Variants in FLRT2 observed in about 807,000 individuals in gnomAD.
FLRT2 encodes the protein leucine-rich repeat transmembrane protein FLRT2.
A neutral mutation model predicts 40.0 loss-of-function variants in FLRT2; 15 were observed. That is an observed-to-expected ratio of 0.38 (90% CI 0.25 to 0.58). The LOEUF (loss-of-function observed/expected upper bound fraction) is 0.58, where lower values mean the gene tolerates loss of function less well. FLRT2 is among the 20% of genes least tolerant of loss of function. FLRT2 has a pLI of 0.71. For missense variants in FLRT2, 726 were observed against 840.0 expected, an observed-to-expected ratio of 0.86 and a Z score of 1.68; for synonymous variants, 380 against 336.8, an observed-to-expected ratio of 1.13 and a Z score of -1.41.
chr14:85,570,165 G>GA, intron 1 of FLRT2, among the ~76,000 whole-genome samples: 1 of 152,252 alleles, frequency 6.6e-6, no homozygotes, highest in African/African-American at 2.4e-5. Flanking sequence ...GGGCTCCTTT[G>GA]AAAATGTTCT....
At chr14:85,585,610 G>A (rs1010206373) in intron 1 of FLRT2, among the ~76,000 whole-genome samples, 6 of 152,154 alleles carry the variant, frequency 3.9e-5, no homozygotes, top group Non-Finnish European at 5.9e-5. Flanking sequence ...ATGCATGTGC[G>A]TGTGTATAGA....
At chr14:85,589,725 G>A (rs1029858005) in intron 1 of FLRT2, among the ~76,000 whole-genome samples, 16 of 152,050 alleles carry the variant, frequency 1.1e-4, no homozygotes, top group African/African-American at 3.6e-4. Context: ...TTTTCTTATG[G>A]TAGTTTAATT....
At chr14:85,548,750 G>A (rs1185133306) in intron 1 of FLRT2, among the ~76,000 whole-genome samples, 1 of 7,674 alleles carries the variant, frequency 1.3e-4, no homozygotes, top group East Asian at 3.8e-3. Context: ...TAGAAGAAGT[G>A]TGGTCCCTGG....
At position 85,622,334 on chromosome 14, in the gene FLRT2, A is replaced by G. The variant is rs1423429678; in HGVS notation, c.820A>G (p.Asn274Asp). The change falls in exon 2 of 2, where the codon AAT becomes GAT. Residue 274 changes from asparagine to aspartate, a missense_variant. Physicochemically the swap from Asn to Asp is conservative, Grantham distance 23. This residue lies in a region of FLRT2 where 611 missense variants were observed against 690.0 expected (regional missense o/e 0.89). Coordinates refer to ENST00000330753, the MANE Select transcript of FLRT2 (RefSeq NM_013231.6). ...INHIPLTAFSNLRKLERLDIS... is the reference protein window; with the variant it reads ...INHIPLTAFSDLRKLERLDIS... The stretch of plus-strand genomic sequence containing the variant: ...CCACATTCCTTTGACAGCCTTCTCA[A>G]ATCTGCGTAAGCTGGAACGGCTGGA... The G allele has an allele frequency of 6.2e-7, 1 of 1,613,978 alleles. No individual in the cohort carries two copies. The highest frequency in any genetic ancestry group is 8.5e-7 in the Non-Finnish European group (1 of 1,180,018).
intron 1 of FLRT2, among the ~76,000 whole-genome samples, chr14:85,560,512 C>T (rs995823134): frequency 5.9e-5 from 9 of 151,726 alleles, no homozygotes; most frequent in Non-Finnish European, 8.8e-5. Context: ...ACTCGGGAGG[C>T]GGAGGTTGCA....
intron 1 of FLRT2, among the ~76,000 whole-genome samples, chr14:85,581,258 T>C (rs1266915880): frequency 6.6e-6 from 1 of 152,146 alleles, no homozygotes; most frequent in African/African-American, 2.4e-5. Context: ...TGTTTGAAGA[T>C]GGTCGAGGGC....
rs187643397 is a variant in FLRT2, at chr14:85,624,519, C to T, written c.*1022C>T. 25 of 167,128 alleles carry T rather than the reference C, an allele frequency of 1.5e-4. 1 individual carries two copies. In the East Asian group the frequency reaches 1.7e-3, roughly 12 times the overall value. The allele number at this position is 167,128 out of a possible 1,614,324, so 10.4% of individuals were successfully genotyped here. On this transcript the variant is annotated 3_prime_UTR_variant, in exon 2 of 2. Coordinates refer to ENST00000330753, the MANE Select transcript of FLRT2 (RefSeq NM_013231.6). ...AACAATGACTTATTTAAAAATTACC[C>T]TTCCTGCTATTTAGACAAAAACAAC...
chr14:85,583,411 T>G (rs117750935), intron 1 of FLRT2, among the ~76,000 whole-genome samples: 1 of 152,320 alleles, frequency 6.6e-6, no homozygotes, highest in Non-Finnish European at 1.5e-5. Context: ...TAGTTGTAGT[T>G]GTCAAGGAGT....
intron 1 of FLRT2, among the ~76,000 whole-genome samples, chr14:85,592,789 CAAAAAAA>C (rs34002874): frequency 2.2e-5 from 2 of 90,694 alleles, no homozygotes; most frequent in Admixed American, 1.3e-4. Flanking sequence ...AACTCCGTCT[CAAAAAAA>C]AAAAAAAAAA....
intron 1 of FLRT2, among the ~76,000 whole-genome samples, chr14:85,599,256 T>A (rs1349223564): frequency 4.9e-5 from 7 of 144,144 alleles, no homozygotes; most frequent in Non-Finnish European, 1.5e-5. Context: ...TGACAAGTAT[T>A]GCAAACAGCT....
chr14:85,605,891 A>T (rs1376127570), intron 1 of FLRT2, among the ~76,000 whole-genome samples: 1 of 152,154 alleles, frequency 6.6e-6, no homozygotes, highest in East Asian at 1.9e-4. Context: ...CACCGATTGA[A>T]TTCATATTAT....
rs1893841196 is a variant in FLRT2 at position 85,630,484 on chromosome 14, G to A, written c.*6987G>A. 1 of 152,126 alleles carries A rather than the reference G, an allele frequency of 6.6e-6. No individual in the cohort carries two copies. The allele number at this position is 152,126 out of a possible 1,614,324, so 9.4% of individuals were successfully genotyped here. A position where few individuals can be genotyped will look rare whatever the true frequency, so the allele number is the denominator to read the frequency against. ...GATAGGATGGGCCTTTGTTGGTTTA[G>A]TTTTGATTTCATTCAGCAAATATTT... On this transcript the variant is annotated 3_prime_UTR_variant, in exon 2 of 2. Coordinates refer to ENST00000330753, the MANE Select transcript of FLRT2 (RefSeq NM_013231.6).
intron 1 of FLRT2, among the ~76,000 whole-genome samples, chr14:85,535,756 A>C (rs1453892762): frequency 6.6e-6 from 1 of 152,160 alleles, no homozygotes; most frequent in Non-Finnish European, 1.5e-5. Context: ...AATATCTTTG[A>C]CTGGAGGAGG....
chr14:85,621,644 A>G lies in FLRT2; in HGVS notation c.130A>G (p.Arg44Gly), dbSNP rs778753174. The change falls in exon 2 of 2, where the codon AGG becomes GGG. Residue 44 changes from arginine (R) to glycine (G), a missense_variant. Around this residue, in one of 3 missense-constraint regions of FLRT2, gnomAD observed 106 missense variants for 121.2 expected, o/e 0.87. Coordinates refer to ENST00000330753, the MANE Select transcript of FLRT2 (RefSeq NM_013231.6). Reference sequence around the variant, plus strand: ...CTGCCCTAGTGTGTGCCGCTGCGACAGGAACTTTGTCTACTGTAATGAGCG... The same window carrying G: ...CTGCCCTAGTGTGTGCCGCTGCGACGGGAACTTTGTCTACTGTAATGAGCG... ...LACPSVCRCDRNFVYCNERSL... is the reference protein window; with the variant it reads ...LACPSVCRCDGNFVYCNERSL... 1 of 1,614,108 alleles carries G rather than the reference A, an allele frequency of 6.2e-7. No individual in the cohort carries two copies. Among genetic ancestry groups the G allele is most frequent in the South Asian group, 1.1e-5 (1 of 91,070 alleles).
Position 85,643,955 on chromosome 14 carries a change from C to T in FLRT2, c.*20458C>T, listed in dbSNP as rs1168271389. 6.6e-6 allele frequency: 1 copy of T among 152,124 alleles called. No individual in the cohort carries two copies. Among genetic ancestry groups the T allele is most frequent in the African/African-American group, 2.4e-5 (1 of 41,414 alleles). The allele number at this position is 152,124 out of a possible 1,614,324, so 9.4% of individuals were successfully genotyped here. ...AAGAATGGATAATTGCTCATTATAG[C>T]TTCATGAATAATATAGATGTTCAGC... On this transcript the variant is annotated 3_prime_UTR_variant, in exon 2 of 2. Transcript: ENST00000330753.
chr14:85,555,253 A>G (rs1889877283), intron 1 of FLRT2, among the ~76,000 whole-genome samples: 1 of 152,220 alleles, frequency 6.6e-6, no homozygotes, highest in Admixed American at 6.5e-5. Flanking sequence ...GAGAATATGC[A>G]TAGATTCCTA....
chr14:85,623,402 C>A lies in FLRT2; in HGVS notation c.1888C>A (p.Pro630Thr). Residue 630 changes from proline (P) to threonine (T), a missense_variant, in exon 2 of 2, where the codon CCA (proline) becomes ACA (threonine). Physicochemically the swap from Pro to Thr is conservative, Grantham distance 38 (BLOSUM62 -1). This residue lies in a region of FLRT2 where 611 missense variants were observed against 690.0 expected (regional missense o/e 0.89). Transcript: ENST00000330753. ...TTTCAGACTGCAGCCCATTTACACC[C>A]CAAATGGGGGCATTAATTACACAGA... ...GDFRLQPIYT[P>T]NGGINYTDCH... is the part of the protein sequence containing the mutation. 1 of 1,508,670 alleles carries A rather than the reference C, an allele frequency of 6.6e-7. No individual in the cohort carries two copies. The allele number at this position is 1,508,670 out of a possible 1,614,324, so 93.5% of individuals were successfully genotyped here.
At chr14:85,570,264 A>G (rs1890825427) in intron 1 of FLRT2, among the ~76,000 whole-genome samples, 1 of 152,226 alleles carries the variant, frequency 6.6e-6, no homozygotes, top group Admixed American at 6.5e-5. Flanking sequence ...ATTAGATTCT[A>G]TGTGAGGATA....
At chr14:85,600,810 A>T (rs1892348949) in intron 1 of FLRT2, among the ~76,000 whole-genome samples, 1 of 151,960 alleles carries the variant, frequency 6.6e-6, no homozygotes, top group Non-Finnish European at 1.5e-5. Context: ...GAGTTTTTGG[A>T]ATAGTGAAGA....
Sources: allele counts gnomAD v4.1 joint callset (sites outside exome capture counted in the v4.1 genomes callset), GRCh38; gene constraint gnomAD v4.1.1; regional missense constraint gnomAD v4.1.1; transcripts MANE v1.5; gene names NCBI Gene and HGNC (gene_info 2026-07-23, HGNC 2026-07-21).